The following YTHDC2 variants were observed in gnomAD, a reference collection of about 807,000 sequenced individuals.
YTHDC2 encodes the protein 3'-5' RNA helicase YTHDC2.
Under a neutral mutation model 174.9 loss-of-function variants are expected in YTHDC2, and 45 were observed. That is an observed-to-expected ratio of 0.26 (90% confidence interval 0.20 to 0.33). The LOEUF is 0.33. Ranked by LOEUF, YTHDC2 falls within the 10% of genes least tolerant of loss-of-function variation. The pLI, the probability that YTHDC2 is intolerant of heterozygous loss-of-function variation, is 1.00. For missense variants in YTHDC2, 1,650 were observed against 1,723.7 expected, an observed-to-expected ratio of 0.96 and a Z score of 0.76; for synonymous variants, 657 against 574.5, an observed-to-expected ratio of 1.14 and a Z score of -2.05.
chr5:113,527,519 G>A (rs1433645156), intron 4 of YTHDC2, among the ~76,000 whole-genome samples: 6 of 151,976 alleles, frequency 3.9e-5, no homozygotes, highest in African/African-American at 1.5e-4. Context: ...AATATTTGTA[G>A]GTTTTCTTCT....
chr5:113,544,696 G>T (rs200974859), intron 10 of YTHDC2, among the ~76,000 whole-genome samples: 2 of 146,924 alleles, frequency 1.4e-5, no homozygotes. Flanking sequence ...TAAATTTTTT[G>T]TTTTTTTTTT....
chr5:113,526,245 C>G (rs1307595240), intron 3 of YTHDC2, among the ~76,000 whole-genome samples: 1 of 151,894 alleles, frequency 6.6e-6, no homozygotes, highest in African/African-American at 2.4e-5. Context: ...TAAAAATCAT[C>G]TAGATTATCA....
At chr5:113,517,694 CT>C (rs1274951566) in intron 2 of YTHDC2, 7 of 395,002 alleles carry the variant, frequency 1.8e-5, no homozygotes, top group Admixed American at 6.0e-5. Flanking sequence ...CTCCTTCTCT[CT>C]TTTTTTCATC....
chr5:113,564,890 T>G (rs1453879103), intron 20 of YTHDC2, among the ~76,000 whole-genome samples: 1 of 152,218 alleles, frequency 6.6e-6, no homozygotes, highest in Non-Finnish European at 1.5e-5. Flanking sequence ...CTTGGCTCAT[T>G]GCAACCTCAG....
chr5:113,565,840 C>G, intron 20 of YTHDC2, 53 bp from the exon 21 acceptor site: 1 of 1,566,764 alleles, frequency 6.4e-7, no homozygotes, highest in Non-Finnish European at 8.6e-7. Context: ...TGTTGCCTCA[C>G]TAAGAAGCGA....
chr5:113,548,714 A>G, intron 11 of YTHDC2, 47 bp downstream of exon 11: 1 of 1,519,624 alleles, frequency 6.6e-7, no homozygotes. Context: ...GTATAGCTAC[A>G]CATATCTTTT....
intron 25 of YTHDC2, chr5:113,583,659 T>C (rs965893963): frequency 1.3e-5 from 2 of 152,250 alleles, no homozygotes; most frequent in South Asian, 2.1e-4. Flanking sequence ...AATTTTTGTA[T>C]TTTTAGTAGA....
intron 26 of YTHDC2, among the ~76,000 whole-genome samples, chr5:113,589,601 G>T (rs923080127): frequency 2.6e-5 from 4 of 151,242 alleles, no homozygotes; most frequent in Admixed American, 2.0e-4. Context: ...CATGGTGATG[G>T]GCCACCTGTA....
At chr5:113,521,134 GTAGTACCACATTT>G (rs1381533894) in intron 2 of YTHDC2, among the ~76,000 whole-genome samples, 3 of 152,150 alleles carry the variant, frequency 2.0e-5, no homozygotes, top group Non-Finnish European at 4.4e-5. Context: ...TGGTGTATAT[GTAGTACCACATTT>G]TATTTATCCA....
chr5:113,541,642 G>T (rs1187594209), intron 9 of YTHDC2, among the ~76,000 whole-genome samples: 1 of 152,002 alleles, frequency 6.6e-6, no homozygotes, highest in Non-Finnish European at 1.5e-5. Context: ...AGATATGTTT[G>T]CAGTTTTCTA....
rs759879355 is a variant in YTHDC2 at position 113,553,761 on chromosome 5, C to G, written c.1965-6C>G. ...ATAGTATGTTTTCTCTTTCAATTGT[C>G]TGCAGATACCAAGTCTTTATGCTTC... On this transcript the variant is annotated splice_region_variant and splice_polypyrimidine_tract_variant and intron_variant, in intron 14 of 29. Coordinates refer to ENST00000161863, the MANE Select transcript of YTHDC2 (RefSeq NM_022828.5). 1 of 1,612,166 alleles carries G rather than the reference C, an allele frequency of 6.2e-7. No homozygotes were observed. Among genetic ancestry groups the G allele is most frequent in the Admixed American group, 1.7e-5 (1 of 59,664 alleles).
chr5:113,593,366 A>G lies in YTHDC2; in HGVS notation c.4276A>G (p.Lys1426Glu), dbSNP rs767346271. ...ATGGGAACGTCTTCCCTTGGGAGAAAAAAACACAACTGATTGACACTCAGG... is the reference window on the plus strand; with the variant it reads ...ATGGGAACGTCTTCCCTTGGGAGAAGAAAACACAACTGATTGACACTCAGG... ...QLWERLPLGEKNTTD is the reference protein window; with the variant it reads ...QLWERLPLGEENTTD Residue 1426 changes from lysine to glutamate, a missense_variant, in exon 29 of 30, where the codon AAA (lysine) becomes GAA (glutamate). Lys to Glu is a moderately conservative substitution (Grantham distance 56, BLOSUM62 1). Coordinates refer to ENST00000161863, the MANE Select transcript of YTHDC2 (RefSeq NM_022828.5). 8 of 1,612,754 alleles carry G rather than the reference A, an allele frequency of 5.0e-6. No individual in the cohort carries two copies. The South Asian group carries it at 5.5e-5, about 11-fold the overall frequency.
intron 7 of YTHDC2, among the ~76,000 whole-genome samples, chr5:113,538,109 A>G (rs1164622499): frequency 6.6e-6 from 1 of 152,108 alleles, no homozygotes; most frequent in Non-Finnish European, 1.5e-5. Flanking sequence ...TCCATATCCA[A>G]TATAATGCTG....
In YTHDC2 at chr5:113,542,478, T is replaced by C; in HGVS notation, c.1470T>C (p.His490=). 1 of 1,606,602 alleles carries C rather than the reference T, an allele frequency of 6.2e-7. No individual in the cohort carries two copies. Among genetic ancestry groups the C allele is most frequent in the Non-Finnish European group, 8.5e-7 (1 of 1,177,970 alleles). The part of the protein sequence containing the change: ...KDIDAFAQVF[H]LILTENVSVD... ...TTGATGCCTTTGCTCAGGTCTTTCA[T>C]CTCATTTTAACTGAAAATGTTAGTG... The change falls in exon 10 of 30, where the codon CAT becomes CAC. Residue 490 remains histidine (H), a synonymous_variant. Transcript: ENST00000161863.
chr5:113,554,671 A>G (rs1193584226), intron 16 of YTHDC2, among the ~76,000 whole-genome samples: 2 of 152,016 alleles, frequency 1.3e-5, no homozygotes, highest in African/African-American at 4.8e-5. Context: ...AGTATTTGTA[A>G]CAGAGACCCT....
chr5:113,581,925 TGA>T (rs1781867178), intron 25 of YTHDC2: 1 of 351,592 alleles, frequency 2.8e-6, no homozygotes, highest in African/African-American at 2.1e-5. Flanking sequence ...TTGATATCTG[TGA>T]GTTATTTAAT....
chr5:113,553,356 G>C lies in YTHDC2; in HGVS notation c.1864G>C (p.Ala622Pro), dbSNP rs1776392975. ...ATACAATATCTGCCATAGTTGTGAT[G>C]CTGGTAAATACGTGTTGTCTAAAAG... Reference protein sequence around the residue: ...LLYNICHSCDAGAVLIFLPGY... With the variant: ...LLYNICHSCDPGAVLIFLPGY... The change falls in exon 13 of 30, where the codon GCT becomes CCT. Residue 622 changes from alanine (A) to proline (P), a missense_variant. Ala to Pro is a conservative substitution (Grantham distance 27). This residue lies in a region of YTHDC2 where 17 missense variants were observed against 37.3 expected (regional missense o/e 0.46). Coordinates refer to ENST00000161863, the MANE Select transcript of YTHDC2 (RefSeq NM_022828.5). The C allele has an allele frequency of 3.1e-6, 5 of 1,597,760 alleles. No individual in the cohort carries two copies. The highest frequency in any genetic ancestry group is 4.3e-6 in the Non-Finnish European group (5 of 1,175,298).
In YTHDC2 at chr5:113,581,569, A is replaced by G. The variant is rs1239882409; in HGVS notation, c.3507A>G (p.Leu1169=). ...GCACTGAAGAACAGTCTGCAGGTTT[A>G]CAACAACCATCTGGGATTGGCCAAA... The part of the protein sequence containing the change: ...VLSTEEQSAG[L]QQPSGIGQRP... The change falls in exon 25 of 30, where the codon TTA becomes TTG. Residue 1169 remains leucine (L), a synonymous_variant. Coordinates refer to ENST00000161863, the MANE Select transcript of YTHDC2 (RefSeq NM_022828.5). 2 of 1,613,994 alleles carry G rather than the reference A, an allele frequency of 1.2e-6. No individual in the cohort carries two copies. Among genetic ancestry groups the G allele is most frequent in the East Asian group, 2.2e-5 (1 of 44,870 alleles).
chr5:113,567,582 A>G, intron 22 of YTHDC2, 72 bp from the exon 23 acceptor site: 1 of 1,301,128 alleles, frequency 7.7e-7, no homozygotes, highest in South Asian at 1.5e-5. Context: ...GAGACTTTAC[A>G]TTTTAAAAGT....
Sources: gnomAD v4.1 joint callset for allele counts (sites outside exome capture counted in the v4.1 genomes callset) on GRCh38, gnomAD v4.1.1 for gene constraint, gnomAD v4.1.1 regional missense constraint, MANE v1.5 for transcripts, NCBI Gene and HGNC (gene_info 2026-07-23, HGNC 2026-07-21) for gene names.